Variants in SYCE1 observed in about 807,000 individuals in gnomAD.
The protein encoded by SYCE1 is synaptonemal complex central element protein 1.
In SYCE1, 37 loss-of-function variants were observed where a neutral mutation model predicts 55.1. That is an observed-to-expected ratio of 0.67 (90% confidence interval 0.52 to 0.88). The LOEUF (loss-of-function observed/expected upper bound fraction) is 0.88, where lower values mean the gene tolerates loss of function less well. Ranked by LOEUF, SYCE1 falls within the 40% of genes least tolerant of loss-of-function variation. The pLI, the probability that SYCE1 is intolerant of heterozygous loss-of-function variation, is 0.00. For missense variants in SYCE1, 399 were observed against 416.4 expected (o/e 0.96, Z 0.36); for synonymous variants, 163 against 159.4 (o/e 1.02, Z -0.17).
Position 133,558,640 on chromosome 10 carries a change from G to A in SYCE1, c.271+237C>T, listed in dbSNP as rs185030611. 1.5e-4 allele frequency: 85 copies of A among 557,738 alleles called. 1 individual carries two copies. In the Middle Eastern group the frequency reaches 1.9e-3, roughly 12 times the overall value. 34.5% of individuals were successfully genotyped at this position (557,738 alleles called of 1,614,324 possible). A position where few individuals can be genotyped will look rare whatever the true frequency, so the allele number is the denominator to read the frequency against. ...TGATGATGTGAGGAAAGAGGAACCTGTATTATCTGAGGAAGCACAGACAGC... is the reference window on the plus strand; with the variant it reads ...TGATGATGTGAGGAAAGAGGAACCTATATTATCTGAGGAAGCACAGACAGC... On this transcript the variant is annotated intron_variant, in intron 4 of 12. Transcript: ENST00000343131.
upstream of SYCE1, chr10:133,567,866 C>T: frequency 2.2e-6 from 1 of 451,800 alleles, no homozygotes; most frequent in Non-Finnish European, 4.4e-6. Flanking sequence ...GGCCCATGGT[C>T]TCCTCTAGGT....
intron 8 of SYCE1, chr10:133,556,334 AG>A (rs1851682170): frequency 1.8e-6 from 1 of 555,612 alleles, no homozygotes; most frequent in Non-Finnish European, 3.2e-6. Context: ...TGTTTTCTGG[AG>A]GATCAGGTAC....
intron 6 of SYCE1, 114 bp downstream of exon 6, chr10:133,557,750 A>AT: frequency 8.0e-7 from 1 of 1,252,060 alleles, no homozygotes; most frequent in Non-Finnish European, 1.2e-6. Context: ...TGGACTCTCC[A>AT]TTGTTTAGAG....
downstream of SYCE1, chr10:133,554,547 G>C (rs1851604405): frequency 1.5e-6 from 1 of 648,756 alleles, no homozygotes; most frequent in Admixed American, 2.3e-5. Context: ...TATACATTTT[G>C]TGTTCTTGAG....
rs1285649595 is a variant in SYCE1 at position 133,557,164 on chromosome 10, A to G, written c.375-8T>C. On this transcript the variant is annotated splice_region_variant and splice_polypyrimidine_tract_variant and intron_variant, in intron 6 of 12. Coordinates refer to ENST00000343131, the MANE Select transcript of SYCE1 (RefSeq NM_001143764.3). ...TGCAACATGGTGTGCTTCCTGGGAG[A>G]GGCGAGGCAGCCCTCAGCCATGTTC... 9 of 1,612,802 alleles carry G rather than the reference A, an allele frequency of 5.6e-6. No individual in the cohort carries two copies. Among genetic ancestry groups the G allele is most frequent in the Non-Finnish European group, 7.6e-6 (9 of 1,179,248 alleles).
At position 133,554,920 on chromosome 10, in the gene SYCE1, G is replaced by T; in HGVS notation, c.*72C>A. 1 of 1,470,686 alleles carries T rather than the reference G, an allele frequency of 6.8e-7. No individual in the cohort carries two copies. The highest frequency in any genetic ancestry group is 1.4e-5 in the South Asian group (1 of 69,150). The allele number at this position is 1,470,686 out of a possible 1,614,324, so 91.1% of individuals were successfully genotyped here. On this transcript the variant is annotated 3_prime_UTR_variant, in exon 13 of 13. Coordinates refer to ENST00000343131, the MANE Select transcript of SYCE1 (RefSeq NM_001143764.3). ...AGACCAAGAGGCAGAGTCAAGCCAAGGCTTCAATCAGTCACAGGAGACTGG... is the reference window on the plus strand; with the variant it reads ...AGACCAAGAGGCAGAGTCAAGCCAATGCTTCAATCAGTCACAGGAGACTGG...
At chr10:133,565,145 G>C (rs1176082120) in intron 1 of SYCE1, among the ~76,000 whole-genome samples, 3 of 152,202 alleles carry the variant, frequency 2.0e-5, no homozygotes, top group Non-Finnish European at 4.4e-5. Context: ...GGGAGCGTCA[G>C]GAAAATATCC....
chr10:133,565,733 AAGCCCGCCAGGG>A (rs1851918942), upstream of SYCE1: 1 of 575,616 alleles, frequency 1.7e-6, no homozygotes. Flanking sequence ...ACGCGGCGGG[AAGCCCGCCAGGG>A]CCACGTGCGG....
At chr10:133,561,866 G>A (rs1323000012) in intron 1 of SYCE1, among the ~76,000 whole-genome samples, 1 of 152,056 alleles carries the variant, frequency 6.6e-6, no homozygotes, top group African/African-American at 2.4e-5. Flanking sequence ...CAAATTATGT[G>A]GAACAAGGCC....
intron 8 of SYCE1, chr10:133,556,519 A>C (rs976642117): frequency 1.7e-6 from 1 of 584,606 alleles, no homozygotes; most frequent in Admixed American, 2.9e-5. Context: ...TGATGGTCCC[A>C]GACACATCCA....
chr10:133,557,203 G>A lies in SYCE1; in HGVS notation c.375-47C>T, dbSNP rs764625726. 5.9e-6 allele frequency: 9 copies of A among 1,537,294 alleles called. No individual in the cohort carries two copies. In the African/African-American group the frequency reaches 1.1e-4, roughly 19 times the overall value. On this transcript the variant is annotated intron_variant, in intron 6 of 12. Transcript: ENST00000343131. Reference sequence around the variant, plus strand: ...TCAGCCATGTTCTCTTAAGCCCCAGGAGGGCACTGGGCTGGGGCTTCTGCC... The same window carrying A: ...TCAGCCATGTTCTCTTAAGCCCCAGAAGGGCACTGGGCTGGGGCTTCTGCC...
upstream of SYCE1, among the ~76,000 whole-genome samples, chr10:133,566,558 G>C (rs904761605): frequency 6.7e-6 from 1 of 149,996 alleles, no homozygotes; most frequent in Admixed American, 6.7e-5. Flanking sequence ...GGCTAGGGTC[G>C]GGGTAGGGGT....
At position 133,559,280 on chromosome 10, in the gene SYCE1, A is replaced by C. The variant is rs1289052626; in HGVS notation, c.196+21T>G. The C allele has an allele frequency of 1.9e-6, 3 of 1,613,898 alleles. No homozygotes were observed. In the Admixed American group the frequency reaches 5.0e-5, roughly 27 times the overall value. ...AACCATGCAGCTGGTCCTAGCTGGC[A>C]GCCAAGGCCCCTGAACTCACCTTGC... On this transcript the variant is annotated intron_variant, in intron 3 of 12. Coordinates refer to ENST00000343131, the MANE Select transcript of SYCE1 (RefSeq NM_001143764.3).
In SYCE1 at chr10:133,556,824, T is replaced by C. The variant is rs745841622; in HGVS notation, c.465-2A>G. On this transcript the variant is annotated splice_acceptor_variant, in intron 7 of 12. Coordinates refer to ENST00000343131, the MANE Select transcript of SYCE1 (RefSeq NM_001143764.3). LOFTEE classifies it high-confidence loss of function. ...TCCAGCTGTTCCTCGAATGCCAACCTGGGAACCAACCACAGGCATGAGGGG... is the reference window on the plus strand; with the variant it reads ...TCCAGCTGTTCCTCGAATGCCAACCCGGGAACCAACCACAGGCATGAGGGG... 2 of 1,591,494 alleles carry C rather than the reference T, an allele frequency of 1.3e-6. No individual in the cohort carries two copies. Among genetic ancestry groups the C allele is most frequent in the African/African-American group, 2.7e-5 (2 of 74,278 alleles).
At chr10:133,556,283 T>A (rs1241290628) in intron 8 of SYCE1, 4 of 590,264 alleles carry the variant, frequency 6.8e-6, no homozygotes, top group Non-Finnish European at 1.2e-5. Context: ...CATGGATTGT[T>A]ATTTACAACA....
rs202238274 is a variant in SYCE1 at position 133,555,593 on chromosome 10, G to A, written c.830+4C>T. Reference sequence around the variant, plus strand: ...GGTTGCGGGGACAGGGCCTCCACACGCACCTCTGCCGCTTCTGCTGCTGTT... The same window carrying A: ...GGTTGCGGGGACAGGGCCTCCACACACACCTCTGCCGCTTCTGCTGCTGTT... On this transcript the variant is annotated splice_donor_region_variant and intron_variant, in intron 11 of 12. Transcript: ENST00000343131. The A allele has an allele frequency of 1.1e-5, 17 of 1,603,672 alleles. No individual in the cohort carries two copies. The highest frequency in any genetic ancestry group is 3.4e-5 in the Admixed American group (2 of 59,362).
chr10:133,555,043 G>C lies in SYCE1; in HGVS notation c.1005C>G (p.Leu335=), dbSNP rs1564854550. ...PDVLIGQEDT[L]HPDLSPRGFQ... ...AGCCCCTTGGGCTAAGGTCGGGGTG[G>C]AGTGTGTCCTCCTGGCCTATGAGGA... Residue 335 remains leucine (L), a synonymous_variant, in exon 13 of 13, where the codon CTC becomes CTG. Coordinates refer to ENST00000343131, the MANE Select transcript of SYCE1 (RefSeq NM_001143764.3). 1.9e-6 allele frequency: 3 copies of C among 1,551,378 alleles called. No individual in the cohort carries two copies. The highest frequency in any genetic ancestry group is 2.7e-5 in the African/African-American group (2 of 73,022).
rs1475668365 is a variant in SYCE1, at chr10:133,558,017, T to C, written c.320-99A>G. ...TCATGTCAGGTCTGTGGACACCTGA[T>C]TGAGCTTTAACATTTACTACATGTC... is the stretch of plus-strand genomic sequence containing the variant. On this transcript the variant is annotated intron_variant, in intron 5 of 12. Coordinates refer to ENST00000343131, the MANE Select transcript of SYCE1 (RefSeq NM_001143764.3). 5 of 1,539,478 alleles carry C rather than the reference T, an allele frequency of 3.2e-6. No homozygotes were observed. In the Admixed American group the frequency reaches 6.9e-5, roughly 21 times the overall value.
upstream of SYCE1, among the ~76,000 whole-genome samples, chr10:133,565,737 C>T (rs767688181): frequency 6.6e-6 from 1 of 152,256 alleles, no homozygotes; most frequent in Non-Finnish European, 1.5e-5. Context: ...GGCGGGAAGC[C>T]CGCCAGGGCC....
Sources: allele counts gnomAD v4.1 joint callset (sites outside exome capture counted in the v4.1 genomes callset), GRCh38; gene constraint gnomAD v4.1.1; transcripts MANE v1.5; gene names NCBI Gene and HGNC (gene_info 2026-07-23, HGNC 2026-07-21).